The following CNTNAP5 variants were observed in gnomAD, a reference collection of about 807,000 sequenced individuals.
CNTNAP5 encodes contactin associated protein family member 5.
CNTNAP5 carries 72 observed loss-of-function variants against 150.2 expected under a neutral mutation model. The ratio of observed to expected loss-of-function variants is 0.48; its 90% CI spans 0.40 to 0.58. CNTNAP5 has a LOEUF of 0.58. Ranked by LOEUF, CNTNAP5 falls within the 20% of genes least tolerant of loss-of-function variation. The pLI is 0.00. For missense variants in CNTNAP5, 1,636 were observed against 1,626.2 expected (o/e 1.01, Z -0.10); for synonymous variants, 672 against 619.8 (o/e 1.08, Z -1.25).
intron 3 of CNTNAP5, among the ~76,000 whole-genome samples, chr2:124,272,686 G>A (rs984191520): frequency 2.0e-5 from 3 of 152,164 alleles, no homozygotes; most frequent in African/African-American, 7.2e-5. Context: ...AGTGCTCTGA[G>A]CCTGTTTCCT....
intron 2 of CNTNAP5, among the ~76,000 whole-genome samples, chr2:124,227,226 C>T (rs1686482637): frequency 6.6e-6 from 1 of 152,180 alleles, no homozygotes; most frequent in Non-Finnish European, 1.5e-5. Flanking sequence ...TGCCTCAACA[C>T]TTCAACTTCC....
At chr2:124,906,202 A>T (rs1385699002) in intron 22 of CNTNAP5, among the ~76,000 whole-genome samples, 1 of 152,150 alleles carries the variant, frequency 6.6e-6, no homozygotes, top group African/African-American at 2.4e-5. Context: ...CTTCATTCTG[A>T]TTATGCTTTA....
At position 124,902,933 on chromosome 2, in the gene CNTNAP5, C is replaced by T. The variant is rs867675698; in HGVS notation, c.3488C>T (p.Ala1163Val). The T allele has an allele frequency of 3.7e-6, 6 of 1,612,620 alleles. No homozygotes were observed. Among genetic ancestry groups the T allele is most frequent in the Non-Finnish European group, 5.1e-6 (6 of 1,179,026 alleles). Residue 1163 changes from alanine to valine, a missense_variant, in exon 22 of 24, where the codon GCT (alanine) becomes GTT (valine). Transcript: ENST00000682447. Reference sequence around the variant, plus strand: ...GCTAAAGCAAATGCCATGGGTTTTGCTGGATGCATGTCTTCCGTCCAGTAC... The same window carrying T: ...GCTAAAGCAAATGCCATGGGTTTTGTTGGATGCATGTCTTCCGTCCAGTAC... ...EVAKANAMGF[A>V]GCMSSVQYNH...
chr2:124,598,760 G>A lies in CNTNAP5; in HGVS notation c.1757-11041G>A, dbSNP rs1696898732. ...CCCCCAGCCTCGCTGCCGCCTTGCA[G>A]TTTGATCTCAGACTGCTGTCCTAGC... On this transcript the variant is annotated intron_variant, in intron 11 of 23. Transcript: ENST00000682447. 2.0e-5 allele frequency among the ~76,000 whole-genome samples: 3 copies of A among 152,304 alleles called. No individual in the cohort carries two copies. The East Asian group carries it at 5.8e-4, about 30-fold the overall frequency.
At chr2:124,816,473 C>CTTTTTT (rs34089178) in intron 19 of CNTNAP5, among the ~76,000 whole-genome samples, 31 of 107,638 alleles carry the variant, frequency 2.9e-4, no homozygotes, top group African/African-American at 4.5e-4. Context: ...TTGCAGCTTA[C>CTTTTTT]TTTTTTTTTT....
At chr2:124,703,111 C>T (rs896963700) in intron 13 of CNTNAP5, among the ~76,000 whole-genome samples, 17 of 143,878 alleles carry the variant, frequency 1.2e-4, no homozygotes, top group African/African-American at 4.9e-4. Flanking sequence ...TCCTTCCTTC[C>T]TCCCTCCCTC....
chr2:124,753,698 C>T (rs1052477507), intron 14 of CNTNAP5, among the ~76,000 whole-genome samples: 2 of 152,232 alleles, frequency 1.3e-5, no homozygotes, highest in South Asian at 2.1e-4. Context: ...TACACATTTT[C>T]GTTATTCATT....
chr2:124,756,120 TTAAA>T (rs1680835240), intron 14 of CNTNAP5, among the ~76,000 whole-genome samples: 1 of 152,194 alleles, frequency 6.6e-6, no homozygotes, highest in Admixed American at 6.6e-5. Context: ...TCAGCCGATC[TTAAA>T]TAAGCTATAA....
chr2:124,725,966 G>A (rs1045423113), intron 13 of CNTNAP5, among the ~76,000 whole-genome samples: 14 of 151,624 alleles, frequency 9.2e-5, no homozygotes, highest in African/African-American at 1.9e-4. Flanking sequence ...ATGCGTGTGT[G>A]TATATATATA....
At chr2:124,462,937 G>A (rs1487214890) in intron 6 of CNTNAP5, among the ~76,000 whole-genome samples, 1 of 152,212 alleles carries the variant, frequency 6.6e-6, no homozygotes, top group Non-Finnish European at 1.5e-5. Flanking sequence ...GATGAGGGAC[G>A]AGAACGGTGA....
chr2:124,898,201 C>T (rs150533974), intron 21 of CNTNAP5, among the ~76,000 whole-genome samples: 4 of 151,418 alleles, frequency 2.6e-5, no homozygotes, highest in Non-Finnish European at 5.9e-5. Flanking sequence ...CAACATTTTA[C>T]TCTTATAAGC....
At chr2:124,405,443 C>T (rs1489292174) in intron 3 of CNTNAP5, among the ~76,000 whole-genome samples, 4 of 152,072 alleles carry the variant, frequency 2.6e-5, no homozygotes, top group South Asian at 2.1e-4. Context: ...TTGCAGAAAC[C>T]GGACTCCACT....
At chr2:124,647,624 C>A in intron 12 of CNTNAP5, 134 bp from the exon 13 acceptor site, 1 of 709,882 alleles carries the variant, frequency 1.4e-6, no homozygotes, top group Non-Finnish European at 2.2e-6. Context: ...AACACAATTT[C>A]TCTGTCCTAC....
At chr2:124,492,464 G>C (rs1303138744) in intron 7 of CNTNAP5, among the ~76,000 whole-genome samples, 1 of 152,124 alleles carries the variant, frequency 6.6e-6, no homozygotes. Flanking sequence ...GCATCATACT[G>C]TTCTGAGTCC....
intron 21 of CNTNAP5, among the ~76,000 whole-genome samples, chr2:124,875,524 T>C (rs745642346): frequency 3.3e-5 from 5 of 152,052 alleles, no homozygotes; most frequent in African/African-American, 9.7e-5. Flanking sequence ...TGGTTCCTTA[T>C]TGGTAAAATG....
At chr2:124,452,753 T>C (rs1303960429) in intron 6 of CNTNAP5, among the ~76,000 whole-genome samples, 1 of 151,986 alleles carries the variant, frequency 6.6e-6, no homozygotes, top group Non-Finnish European at 1.5e-5. Context: ...ACTTGCTGGG[T>C]GGCCAGATCC....
chr2:124,595,216 A>T (rs62173972), intron 11 of CNTNAP5, among the ~76,000 whole-genome samples: 48,015 of 124,544 alleles, frequency 0.39, 8,874 homozygotes, highest in East Asian at 0.74. Context: ...GTCTTGTGCC[A>T]GTTTTCAAAG....
intron 13 of CNTNAP5, among the ~76,000 whole-genome samples, chr2:124,736,374 A>G (rs1355545077): frequency 6.6e-6 from 1 of 152,222 alleles, no homozygotes; most frequent in Non-Finnish European, 1.5e-5. Context: ...TTCATTCTAA[A>G]TTGAATTAAA....
chr2:124,074,114 C>G (rs543475722), intron 1 of CNTNAP5, among the ~76,000 whole-genome samples: 27 of 152,158 alleles, frequency 1.8e-4, no homozygotes, highest in African/African-American at 6.5e-4. Context: ...CATATTTTCA[C>G]TTATCTGTGG....
Sources: gnomAD v4.1 joint callset for allele counts (sites outside exome capture counted in the v4.1 genomes callset) on GRCh38, gnomAD v4.1.1 for gene constraint, MANE v1.5 for transcripts, NCBI Gene and HGNC (gene_info 2026-07-23, HGNC 2026-07-21) for gene names.